The following SAMD3 variants were observed in gnomAD, a reference collection of about 807,000 sequenced individuals.
The protein encoded by SAMD3 is sterile alpha motif domain-containing protein 3.
SAMD3 carries 63 observed loss-of-function variants against 58.5 expected under a neutral mutation model. The observed-to-expected ratio is 1.08, with a 90% CI of 0.88 to 1.33. The LOEUF (loss-of-function observed/expected upper bound fraction) is 1.33, where lower values mean the gene tolerates loss of function less well. Ranked by LOEUF, SAMD3 falls within the 40% of genes most tolerant of loss-of-function variation. The pLI is 0.00. For synonymous variants in SAMD3, 220 were observed against 210.3 expected, an observed-to-expected ratio of 1.05 and a Z score of -0.40; for missense variants, 604 against 608.4, an observed-to-expected ratio of 0.99 and a Z score of 0.08.
chr6:130,360,934 C>T (rs561980123), intron 1 of SAMD3, among the ~76,000 whole-genome samples: 192 of 152,258 alleles, frequency 1.3e-3, no homozygotes, highest in African/African-American at 4.2e-3. Context: ...GGCTCTGTCC[C>T]GCCCGGCTCA....
intron 1 of SAMD3, among the ~76,000 whole-genome samples, chr6:130,341,262 T>C (rs986083767): frequency 1.3e-5 from 2 of 152,204 alleles, no homozygotes; most frequent in African/African-American, 4.8e-5. Flanking sequence ...ATCAGAATCC[T>C]TCAGCTGACT....
chr6:130,180,974 T>TTCC (rs1482890788), intron 7 of SAMD3, among the ~76,000 whole-genome samples: 23 of 135,002 alleles, frequency 1.7e-4, no homozygotes, highest in African/African-American at 6.8e-4. Flanking sequence ...TGAGACGGAG[T>TTCC]TCCGCTCTTG....
Position 130,144,577 on chromosome 6 carries a change from A to C in SAMD3, c.1506T>G (p.Tyr502Ter). ...TTTCCTTTTCTTTCAAAGAAGGAAA[A>C]TAAGGACTGTGCATATCGAAAATCA... ...ETLIFDMHSP[Y>*]FPSLKEKENE... Residue 502 changes from tyrosine to a stop codon, truncating the protein, a stop_gained, in exon 12 of 12, where the codon TAT becomes TAG. Transcript: ENST00000439090. LOFTEE classifies it high-confidence loss of function. The C allele has an allele frequency of 6.2e-7, 1 of 1,613,990 alleles. No individual in the cohort carries two copies. The highest frequency in any genetic ancestry group is 8.5e-7 in the Non-Finnish European group (1 of 1,179,930).
intron 2 of SAMD3, among the ~76,000 whole-genome samples, chr6:130,259,709 A>C (rs1041995574): frequency 6.6e-6 from 1 of 152,168 alleles, no homozygotes; most frequent in Non-Finnish European, 1.5e-5. Context: ...TTTTAACAAA[A>C]CTTTTTATTT....
chr6:130,200,710 T>C (rs920523575), intron 5 of SAMD3, among the ~76,000 whole-genome samples: 2 of 152,160 alleles, frequency 1.3e-5, no homozygotes, highest in Admixed American at 6.5e-5. Context: ...CAGTAGCTAC[T>C]GAGGAATATA....
At chr6:130,180,969 C>CTT (rs1792271404) in intron 7 of SAMD3, among the ~76,000 whole-genome samples, 1 of 133,760 alleles carries the variant, frequency 7.5e-6, no homozygotes, top group Admixed American at 7.5e-5. Flanking sequence ...TCTTTTGAGA[C>CTT]GGAGTTCCGC....
rs1299378717 is a variant in SAMD3, at chr6:130,270,911, T to G, written c.-188+42067A>C. On this transcript the variant is annotated intron_variant, in intron 2 of 13. Transcript: ENST00000368134. Reference sequence around the variant, plus strand: ...GGAAAATTCTTAAAAGTGAAATTCCTAGTTCAAAGGATGTGCACATTTTAA... The same window carrying G: ...GGAAAATTCTTAAAAGTGAAATTCCGAGTTCAAAGGATGTGCACATTTTAA... Among the ~76,000 whole-genome samples the G allele has an allele frequency of 2.6e-5, 4 of 152,228 alleles. No homozygotes were observed. The East Asian group carries it at 5.8e-4, about 22-fold the overall frequency.
intron 6 of SAMD3, 65 bp downstream of exon 6, chr6:130,184,373 G>A (rs751227847): frequency 5.7e-5 from 84 of 1,484,830 alleles, no homozygotes; most frequent in Non-Finnish European, 7.5e-5. Flanking sequence ...GATTCCACAG[G>A]AATTCTACTC....
Position 130,146,186 on chromosome 6 carries a change from CAAA to C in SAMD3, c.1024-8_1024-6del, listed in dbSNP as rs757940952. The C allele has an allele frequency of 3.8e-5, 59 of 1,552,772 alleles. No homozygotes were observed. The highest frequency in any genetic ancestry group is 7.1e-5 in the East Asian group (3 of 42,522). ...AAGTTGGAATTCTCTGAACATCTGACAAAAGAAGAAAGCAATGGATACATCAGA... is the reference window on the plus strand; with the variant it reads ...AAGTTGGAATTCTCTGAACATCTGACAGAAGAAAGCAATGGATACATCAGA... On this transcript the variant is annotated splice_region_variant and splice_polypyrimidine_tract_variant and intron_variant, in intron 9 of 11. Transcript: ENST00000439090.
At chr6:130,207,358 C>A (rs1166882547) in intron 5 of SAMD3, among the ~76,000 whole-genome samples, 3 of 151,960 alleles carry the variant, frequency 2.0e-5, no homozygotes, top group South Asian at 2.1e-4. Flanking sequence ...ACTTGGCAAG[C>A]ATTATCTATT....
upstream of SAMD3, among the ~76,000 whole-genome samples, chr6:130,224,254 T>C (rs1312728809): frequency 6.6e-6 from 1 of 151,814 alleles, no homozygotes; most frequent in African/African-American, 2.4e-5. Flanking sequence ...GGTCTCAGGG[T>C]TTTTATAGGC....
chr6:130,240,071 T>G (rs1328144884), intron 2 of SAMD3, among the ~76,000 whole-genome samples: 4 of 152,238 alleles, frequency 2.6e-5, no homozygotes, highest in South Asian at 2.1e-4. Context: ...TCTCCTGGAA[T>G]GCAAACCCAT....
intron 5 of SAMD3, among the ~76,000 whole-genome samples, chr6:130,188,414 A>AT (rs932183290): frequency 1.3e-5 from 2 of 152,214 alleles, no homozygotes; most frequent in Non-Finnish European, 2.9e-5. Context: ...TAACACAGTG[A>AT]TTTTTTGTTG....
intron 2 of SAMD3, among the ~76,000 whole-genome samples, chr6:130,240,072 G>A (rs1206374894): frequency 3.9e-5 from 6 of 152,204 alleles, no homozygotes; most frequent in African/African-American, 1.4e-4. Flanking sequence ...CTCCTGGAAT[G>A]CAAACCCATG....
intron 2 of SAMD3, among the ~76,000 whole-genome samples, chr6:130,247,698 A>G (rs1227034794): frequency 6.6e-6 from 1 of 152,182 alleles, no homozygotes; most frequent in Non-Finnish European, 1.5e-5. Flanking sequence ...TCCTGTCTTT[A>G]TTGTCTGAAA....
In SAMD3 at chr6:130,219,570, T is replaced by G. The variant is rs1014423504; in HGVS notation, c.-67-2954A>C. ...TCATAGCTTAGCTCCCACTTATGAATGAGAACATATGATATTTGGTTTTCC... is the reference window on the plus strand; with the variant it reads ...TCATAGCTTAGCTCCCACTTATGAAGGAGAACATATGATATTTGGTTTTCC... On this transcript the variant is annotated intron_variant, in intron 1 of 11. Coordinates refer to ENST00000439090, the MANE Select transcript of SAMD3 (RefSeq NM_001017373.4). 2.6e-5 allele frequency among the ~76,000 whole-genome samples: 4 copies of G among 152,368 alleles called. No homozygotes were observed. The East Asian group carries it at 7.7e-4, about 29-fold the overall frequency.
intron 2 of SAMD3, among the ~76,000 whole-genome samples, chr6:130,247,516 C>T (rs73605908): frequency 0.017 from 2,540 of 150,502 alleles, 76 homozygotes; most frequent in African/African-American, 0.058. Flanking sequence ...ATGGGACAAT[C>T]TAACCATTAA....
At chr6:130,210,217 C>G (rs1245870110) in intron 4 of SAMD3, among the ~76,000 whole-genome samples, 2 of 152,186 alleles carry the variant, frequency 1.3e-5, no homozygotes, top group African/African-American at 4.8e-5. Context: ...GCAAATATGC[C>G]TAACTATTTC....
At chr6:130,249,416 C>T (rs932660406) in intron 2 of SAMD3, among the ~76,000 whole-genome samples, 4 of 152,086 alleles carry the variant, frequency 2.6e-5, no homozygotes, top group Non-Finnish European at 5.9e-5. Flanking sequence ...GCAATGGGTG[C>T]TTTCACTGTA....
Sources: gnomAD v4.1 joint callset for allele counts (sites outside exome capture counted in the v4.1 genomes callset) on GRCh38, gnomAD v4.1.1 for gene constraint, MANE v1.5 for transcripts, NCBI Gene and HGNC (gene_info 2026-07-23, HGNC 2026-07-21) for gene names.